Variants in STYK1 observed in about 807,000 individuals in gnomAD.
STYK1 encodes the protein STY kinase 1, also known as tyrosine-protein kinase STYK1.
A neutral mutation model predicts 48.1 loss-of-function variants in STYK1; 46 were observed. That is an observed-to-expected ratio of 0.96 (90% CI 0.75 to 1.22). STYK1 has a LOEUF of 1.22. STYK1 is among the 50% of genes most tolerant of loss of function. STYK1 has a pLI of 0.00. For synonymous variants in STYK1, 188 were observed against 189.0 expected (o/e 0.99, Z 0.04); for missense variants, 527 against 521.1 (o/e 1.01, Z -0.11).
intron 1 of STYK1, among the ~76,000 whole-genome samples, chr12:10,665,250 G>A (rs1231345212): frequency 1.3e-5 from 2 of 152,102 alleles, no homozygotes; most frequent in Non-Finnish European, 2.9e-5. Context: ...CCCTGTTACA[G>A]AAACAAAAAA....
chr12:10,633,909 G>A, intron 4 of STYK1, 81 bp downstream of exon 4: 5 of 1,523,358 alleles, frequency 3.3e-6, no homozygotes, highest in Non-Finnish European at 2.7e-6. Flanking sequence ...CTAGACATGG[G>A]CTCATTGAAA....
chr12:10,666,843 A>C (rs563702750), intron 1 of STYK1, among the ~76,000 whole-genome samples: 134 of 152,336 alleles, frequency 8.8e-4, no homozygotes, highest in Non-Finnish European at 2.4e-4. Context: ...CTTATAAGGC[A>C]GAGGAACTAT....
rs1947398994 is a variant in STYK1 at position 10,629,598 on chromosome 12, G to C, written c.528C>G (p.Asn176Lys). The C allele has an allele frequency of 6.2e-7, 1 of 1,614,050 alleles. No homozygotes were observed. The highest frequency in any genetic ancestry group is 1.3e-5 in the African/African-American group (1 of 74,916). ...TGCAGCAGCCTTCCAGCTGCACCAG[G>C]TTTTTGTGTTTCCCCAGGTATTGAT... ...QFHQYLGKHK[N>K]LVQLEGCCTE... The change falls in exon 6 of 11, where the codon AAC becomes AAG. Residue 176 changes from asparagine (N) to lysine (K), a missense_variant. Physicochemically the swap from Asn to Lys is moderately conservative, Grantham distance 94. Transcript: ENST00000075503.
chr12:10,620,205 A>T lies in STYK1; in HGVS notation c.1208T>A (p.Leu403Gln). The change falls in exon 11 of 11, where the codon CTG (leucine) becomes CAG (glutamine). Residue 403 changes from leucine (L) to glutamine (Q), a missense_variant. Coordinates refer to ENST00000075503, the MANE Select transcript of STYK1 (RefSeq NM_018423.3). ...TCTGATGCCGGCCACAGCTGCATAC[A>T]GTTCAGGTACCACCAACTCTGGTAC... ...LQVPELVVPELYAAVAGIRVE... is the reference protein window; with the variant it reads ...LQVPELVVPEQYAAVAGIRVE... The T allele has an allele frequency of 6.2e-7, 1 of 1,614,218 alleles. No individual in the cohort carries two copies. The highest frequency in any genetic ancestry group is 8.5e-7 in the Non-Finnish European group (1 of 1,180,036).
chr12:10,660,249 A>G (rs1164246688), intron 1 of STYK1, among the ~76,000 whole-genome samples: 4 of 152,178 alleles, frequency 2.6e-5, no homozygotes. Context: ...ACACTTATTA[A>G]TCTTCCAGAT....
At chr12:10,630,910 T>C in intron 5 of STYK1, 135 bp downstream of exon 5, 1 of 1,170,322 alleles carries the variant, frequency 8.5e-7, no homozygotes, top group Non-Finnish European at 1.2e-6. Context: ...CATTTCTGCC[T>C]CAAGTTTCCA....
At chr12:10,630,981 T>C in intron 5 of STYK1, 64 bp downstream of exon 5, 1 of 1,578,936 alleles carries the variant, frequency 6.3e-7, no homozygotes, top group Non-Finnish European at 8.7e-7. Context: ...AACATCTCAA[T>C]GTTCGCAAAG....
chr12:10,643,282 C>G (rs1156685302), intron 1 of STYK1, among the ~76,000 whole-genome samples: 1 of 152,156 alleles, frequency 6.6e-6, no homozygotes, highest in Non-Finnish European at 1.5e-5. Flanking sequence ...TAAAAGCCTC[C>G]CAGATAAATG....
chr12:10,655,112 G>C (rs566096625), intron 1 of STYK1, among the ~76,000 whole-genome samples: 2 of 152,310 alleles, frequency 1.3e-5, no homozygotes, highest in African/African-American at 4.8e-5. Context: ...CATGAGGCTA[G>C]TCTTAATGCT....
At chr12:10,622,561 A>G (rs1309137604) in intron 9 of STYK1, 77 bp downstream of exon 9, 5 of 1,548,634 alleles carry the variant, frequency 3.2e-6, no homozygotes, top group East Asian at 2.2e-5. Flanking sequence ...TTCAGAAAGC[A>G]TACATCATCC....
chr12:10,626,883 T>A (rs1274030551), intron 7 of STYK1, among the ~76,000 whole-genome samples: 1 of 152,022 alleles, frequency 6.6e-6, no homozygotes, highest in Non-Finnish European at 1.5e-5. Flanking sequence ...GGTGGGCGCC[T>A]GTGGTCCCAG....
At chr12:10,639,033 G>A (rs778607481) in intron 1 of STYK1, among the ~76,000 whole-genome samples, 29 of 152,200 alleles carry the variant, frequency 1.9e-4, no homozygotes, top group Non-Finnish European at 3.5e-4. Context: ...GACTAAAAGT[G>A]AGGAGGGTAA....
chr12:10,648,197 CA>C (rs1489328957), intron 1 of STYK1, among the ~76,000 whole-genome samples: 10 of 151,990 alleles, frequency 6.6e-5, no homozygotes, highest in African/African-American at 2.4e-4. Context: ...TGTTTGATAA[CA>C]AAAATTATAT....
At chr12:10,623,298 G>T (rs1372397924) in intron 8 of STYK1, among the ~76,000 whole-genome samples, 1 of 152,176 alleles carries the variant, frequency 6.6e-6, no homozygotes, top group African/African-American at 2.4e-5. Flanking sequence ...CTATTGAAAA[G>T]CAGATGTCAG....
chr12:10,656,273 A>G (rs1947717017), intron 1 of STYK1, among the ~76,000 whole-genome samples: 1 of 152,166 alleles, frequency 6.6e-6, no homozygotes, highest in African/African-American at 2.4e-5. Context: ...TAAGTCCATT[A>G]AAGCTTTTCT....
At chr12:10,644,555 G>C (rs1463280558) in intron 1 of STYK1, among the ~76,000 whole-genome samples, 3 of 152,134 alleles carry the variant, frequency 2.0e-5, no homozygotes, top group African/African-American at 7.2e-5. Flanking sequence ...CAGCAATTGA[G>C]TAATAAATTG....
chr12:10,653,909 G>A (rs979105506), intron 1 of STYK1, among the ~76,000 whole-genome samples: 3 of 152,148 alleles, frequency 2.0e-5, no homozygotes, highest in African/African-American at 7.2e-5. Flanking sequence ...AGATCTACTA[G>A]GTTGCATTCC....
intron 1 of STYK1, among the ~76,000 whole-genome samples, chr12:10,662,307 A>C (rs4763574): frequency 0.57 from 86,116 of 152,084 alleles, 24,748 homozygotes; most frequent in East Asian, 0.77. Context: ...TTTCACATTT[A>C]TAAAAAATGC....
At position 10,672,914 on chromosome 12, in the gene STYK1, G is replaced by GA; in HGVS notation, c.-195+1051dup. Among the ~76,000 whole-genome samples the GA allele has an allele frequency of 1.3e-5, 2 of 152,184 alleles. 1 individual carries two copies. The highest frequency in any genetic ancestry group is 3.9e-4 in the East Asian group (2 of 5,164). On this transcript the variant is annotated intron_variant, in intron 1 of 10. Transcript: ENST00000075503. This position sits in a 1 kb window ranked among gnomAD's most constrained non-coding sequence, Gnocchi z 4.0. ...GTGGAGATTCCGGTGCATTGAGGGG[G>GA]AAAAACCAGGTAGACAGCACAGAGT... is the stretch of plus-strand genomic sequence containing the variant.
Sources: gnomAD v4.1 joint callset for allele counts (sites outside exome capture counted in the v4.1 genomes callset) on GRCh38, gnomAD v4.1.1 for gene constraint, Gnocchi (gnomAD v3.1) non-coding constraint, MANE v1.5 for transcripts, NCBI Gene and HGNC (gene_info 2026-07-23, HGNC 2026-07-21) for gene names.